Variants in ZMAT3 observed in about 807,000 individuals in gnomAD.
ZMAT3 encodes the protein zinc finger matrin-type protein 3.
A neutral mutation model predicts 32.3 loss-of-function variants in ZMAT3; 17 were observed. That is an observed-to-expected ratio of 0.53 (90% CI 0.36 to 0.79). The LOEUF (loss-of-function observed/expected upper bound fraction) is 0.79. ZMAT3 is among the 30% of genes least tolerant of loss of function. The probability of loss-of-function intolerance (pLI) is 0.00; values close to 1 mark genes in which losing one functional copy is unlikely to be tolerated. For missense variants in ZMAT3, 329 were observed against 359.7 expected, an observed-to-expected ratio of 0.91 and a Z score of 0.69; for synonymous variants, 120 against 133.1, an observed-to-expected ratio of 0.90 and a Z score of 0.68.
At chr3:179,053,388 G>A (rs1720673346) in intron 2 of ZMAT3, among the ~76,000 whole-genome samples, 1 of 151,944 alleles carries the variant, frequency 6.6e-6, no homozygotes, top group Non-Finnish European at 1.5e-5. Flanking sequence ...CTTTCTTAAA[G>A]TAAAATTCCA....
intron 2 of ZMAT3, among the ~76,000 whole-genome samples, chr3:179,053,178 T>C (rs1720658764): frequency 1.3e-5 from 2 of 150,912 alleles, no homozygotes; most frequent in African/African-American, 4.9e-5. Flanking sequence ...AATATAGGTA[T>C]AGATATAGAA....
At chr3:179,072,079 T>C (rs1010508310), upstream of ZMAT3, 5 of 152,470 alleles carry the variant, frequency 3.3e-5, no homozygotes, top group African/African-American at 1.2e-4. Flanking sequence ...GTTCAGCAGA[T>C]GCCCTGGAAA....
In ZMAT3 at chr3:179,023,708, A is replaced by T. The variant is rs1254763432; in HGVS notation, c.*1309T>A. ...CTGGAAAATATATCTATATATATAT[A>T]TATTTTTTTTTTTTTTTTTTTTTTT... On this transcript the variant is annotated 3_prime_UTR_variant, in exon 6 of 6. Transcript: ENST00000311417. 33 of 12,628 alleles carry T rather than the reference A, an allele frequency of 2.6e-3. 1 individual carries two copies. Among genetic ancestry groups the T allele is most frequent in the Admixed American group, 4.8e-3 (4 of 840 alleles). 0.8% of individuals were successfully genotyped at this position (12,628 alleles called of 1,614,324 possible).
At chr3:179,032,716 C>G (rs865994860) in intron 2 of ZMAT3, among the ~76,000 whole-genome samples, 1 of 147,500 alleles carries the variant, frequency 6.8e-6, no homozygotes, top group Non-Finnish European at 1.5e-5. Flanking sequence ...AGGTGAGGAG[C>G]GTCTCTGACC....
At chr3:179,045,932 C>T (rs1389905667) in intron 2 of ZMAT3, among the ~76,000 whole-genome samples, 1 of 152,186 alleles carries the variant, frequency 6.6e-6, no homozygotes, top group African/African-American at 2.4e-5. Flanking sequence ...GAGGTCACAA[C>T]TGGCCTAGGT....
chr3:179,065,030 G>T (rs1046342275), intron 2 of ZMAT3, among the ~76,000 whole-genome samples: 7 of 152,166 alleles, frequency 4.6e-5, no homozygotes, highest in African/African-American at 1.7e-4. Flanking sequence ...TTAGTTGTCT[G>T]TTAAAACCTT....
At position 179,067,611 on chromosome 3, in the gene ZMAT3, C is replaced by A; in HGVS notation, c.142G>T (p.Ala48Ser). 1.2e-6 allele frequency: 2 copies of A among 1,614,218 alleles called. No individual in the cohort carries two copies. The highest frequency in any genetic ancestry group is 2.2e-5 in the South Asian group (2 of 91,086). ...CCCTTCGATAACTCTTCTTCCCCTG[C>A]AAGAGGCAAGGAAGCCTCCTGCCCA... is the stretch of plus-strand genomic sequence containing the variant. ...PFGQEASLPL[A>S]GEEELSKGGE... The change falls in exon 2 of 6, where the codon GCA becomes TCA. Residue 48 changes from alanine to serine, a missense_variant. Ala to Ser is a moderately conservative substitution (Grantham distance 99). Coordinates refer to ENST00000311417, the MANE Select transcript of ZMAT3 (RefSeq NM_022470.4).
At position 179,035,290 on chromosome 3, in the gene ZMAT3, C is replaced by T. The variant is rs1225845296; in HGVS notation, c.271-4291G>A. On this transcript the variant is annotated intron_variant, in intron 2 of 5. Coordinates refer to ENST00000311417, the MANE Select transcript of ZMAT3 (RefSeq NM_022470.4). ...CTTGGGCCTTATGTCAGACAGCACTCCTTCCTTTCCCCTGCTCATTATGCT... is the reference window on the plus strand; with the variant it reads ...CTTGGGCCTTATGTCAGACAGCACTTCTTCCTTTCCCCTGCTCATTATGCT... 2.0e-5 allele frequency among the ~76,000 whole-genome samples: 3 copies of T among 152,218 alleles called. No individual in the cohort carries two copies. In the East Asian group the frequency reaches 5.8e-4, roughly 29 times the overall value.
Position 179,023,712 on chromosome 3 carries a change from T to TATATATA in ZMAT3, c.*1304_*1305insTATATAT, listed in dbSNP as rs1718686965. On this transcript the variant is annotated 3_prime_UTR_variant, in exon 6 of 6. Transcript: ENST00000311417. ...AAAATATATCTATATATATATATATTTTTTTTTTTTTTTTTTTTTTTTTTT... is the reference window on the plus strand; with the variant it reads ...AAAATATATCTATATATATATATATTATATATATTTTTTTTTTTTTTTTTTTTTTTTT... 1 of 17,862 alleles carries TATATATA rather than the reference T, an allele frequency of 5.6e-5. No homozygotes were observed. The highest frequency in any genetic ancestry group is 9.6e-3 in the East Asian group (1 of 104). 1.1% of individuals were successfully genotyped at this position (17,862 alleles called of 1,614,324 possible).
At chr3:179,049,605 A>T (rs902417840) in intron 2 of ZMAT3, among the ~76,000 whole-genome samples, 8 of 152,240 alleles carry the variant, frequency 5.3e-5, no homozygotes, top group African/African-American at 1.4e-4. Flanking sequence ...AAATTAAAAA[A>T]TTATTTGAAC....
rs180720588 is a variant in ZMAT3, at chr3:179,039,848, T to A, written c.271-8849A>T. Among the ~76,000 whole-genome samples the A allele has an allele frequency of 3.4e-3, 515 of 152,252 alleles. 3 individuals are homozygous for A. Among genetic ancestry groups the A allele is most frequent in the African/African-American group, 0.012 (488 of 41,546 alleles). On this transcript the variant is annotated intron_variant, in intron 2 of 5. Coordinates refer to ENST00000311417, the MANE Select transcript of ZMAT3 (RefSeq NM_022470.4). ...AAACCTTGAAAAAAGGTTAGACGAA[T>A]GGCTAACTAGAATAAACACTGTAGA...
intron 2 of ZMAT3, among the ~76,000 whole-genome samples, chr3:179,037,193 C>G (rs1719641951): frequency 6.6e-6 from 1 of 152,182 alleles, no homozygotes; most frequent in Admixed American, 6.5e-5. Flanking sequence ...GTAACACACA[C>G]CCATTCACTG....
chr3:179,030,841 C>T, intron 3 of ZMAT3, 39 bp downstream of exon 3: 1 of 1,589,998 alleles, frequency 6.3e-7, no homozygotes, highest in Non-Finnish European at 8.6e-7. Flanking sequence ...ATTACAGCTT[C>T]CACCCTAATG....
intron 2 of ZMAT3, among the ~76,000 whole-genome samples, chr3:179,058,021 G>A (rs1720942287): frequency 1.3e-5 from 2 of 152,222 alleles, no homozygotes; most frequent in Non-Finnish European, 2.9e-5. Flanking sequence ...AGCTCTAGGA[G>A]TCCTTACACA....
intron 2 of ZMAT3, among the ~76,000 whole-genome samples, chr3:179,040,360 C>G (rs567664777): frequency 1.3e-5 from 2 of 152,166 alleles, no homozygotes; most frequent in South Asian, 2.1e-4. Flanking sequence ...CAAAGGGAAA[C>G]CCATCAGACT....
At position 179,027,816 on chromosome 3, in the gene ZMAT3, A is replaced by T. The variant is rs770772773; in HGVS notation, c.391-4T>A. ...CTCCTGGCTTAAAGGAGCCCATCTG[A>T]CATCAAAGACACAAGAAGAAACAAA... On this transcript the variant is annotated splice_polypyrimidine_tract_variant and splice_region_variant and intron_variant, in intron 3 of 5. Transcript: ENST00000311417. 1 of 1,594,398 alleles carries T rather than the reference A, an allele frequency of 6.3e-7. No individual in the cohort carries two copies. Among genetic ancestry groups the T allele is most frequent in the South Asian group, 1.1e-5 (1 of 87,854 alleles).
At chr3:179,032,613 C>T (rs931792717) in intron 2 of ZMAT3, among the ~76,000 whole-genome samples, 47 of 151,846 alleles carry the variant, frequency 3.1e-4, no homozygotes, top group Middle Eastern at 3.4e-3. Context: ...TCTGCCCCGC[C>T]GCCCCGTCTG....
chr3:179,066,870 T>C (rs1022628378), intron 2 of ZMAT3, among the ~76,000 whole-genome samples: 2 of 152,200 alleles, frequency 1.3e-5, no homozygotes, highest in Non-Finnish European at 2.9e-5. Flanking sequence ...TAGTTTACGC[T>C]AATGGGCTAA....
At chr3:179,037,418 A>G (rs867075216) in intron 2 of ZMAT3, among the ~76,000 whole-genome samples, 15 of 152,224 alleles carry the variant, frequency 9.9e-5, no homozygotes, top group African/African-American at 3.1e-4. Context: ...ACGACACCCA[A>G]TGCAGAAGCT....
Sources: gnomAD v4.1 joint callset for allele counts (sites outside exome capture counted in the v4.1 genomes callset) on GRCh38, gnomAD v4.1.1 for gene constraint, MANE v1.5 for transcripts, NCBI Gene and HGNC (gene_info 2026-07-23, HGNC 2026-07-21) for gene names.